Variants in GABRB1 observed in about 807,000 individuals in gnomAD.
GABRB1 encodes the protein gamma-aminobutyric acid receptor subunit beta-1.
GABRB1 carries 17 observed loss-of-function variants against 51.6 expected under a neutral mutation model. That is an observed-to-expected ratio of 0.33 (90% confidence interval 0.23 to 0.49). The LOEUF is 0.49. Ranked by LOEUF, GABRB1 falls within the 20% of genes least tolerant of loss-of-function variation. The pLI is 0.99. For synonymous variants in GABRB1, 247 were observed against 218.9 expected (o/e 1.13, Z -1.14); for missense variants, 410 against 600.6 (o/e 0.68, Z 3.32).
At chr4:47,139,235 CAA>C (rs897506485) in intron 3 of GABRB1, among the ~76,000 whole-genome samples, 11 of 151,906 alleles carry the variant, frequency 7.2e-5, no homozygotes, top group African/African-American at 2.7e-4. Flanking sequence ...AAACAGTTCC[CAA>C]GAGTAAATAA....
At chr4:47,287,098 A>T (rs921569447) in intron 4 of GABRB1, among the ~76,000 whole-genome samples, 12 of 152,102 alleles carry the variant, frequency 7.9e-5, no homozygotes, top group African/African-American at 2.9e-4. Context: ...GGTCCTCATA[A>T]TCACACTATC....
chr4:47,173,719 T>C (rs1478765501), intron 4 of GABRB1, among the ~76,000 whole-genome samples: 1 of 152,184 alleles, frequency 6.6e-6, no homozygotes, highest in African/African-American at 2.4e-5. Flanking sequence ...ATTTGAGTTT[T>C]CTACCTGTTC....
intron 3 of GABRB1, among the ~76,000 whole-genome samples, chr4:47,146,712 T>C (rs570963729): frequency 2.6e-5 from 4 of 152,130 alleles, no homozygotes; most frequent in Non-Finnish European, 4.4e-5. Flanking sequence ...CTACTCATTT[T>C]GCTAGACAGA....
chr4:47,245,221 C>T (rs998666990), intron 4 of GABRB1, among the ~76,000 whole-genome samples: 6 of 152,092 alleles, frequency 3.9e-5, no homozygotes, highest in African/African-American at 1.4e-4. Context: ...TAAACAGATT[C>T]ACTTAAGGTT....
intron 3 of GABRB1, among the ~76,000 whole-genome samples, chr4:47,123,885 AT>A (rs1373556135): frequency 5.0e-5 from 4 of 80,370 alleles, no homozygotes; most frequent in Non-Finnish European, 9.9e-5. Flanking sequence ...TATATATAAT[AT>A]ATATAATATA....
At chr4:47,407,760 A>G (rs1191551932) in intron 8 of GABRB1, among the ~76,000 whole-genome samples, 1 of 152,216 alleles carries the variant, frequency 6.6e-6, no homozygotes, top group Non-Finnish European at 1.5e-5. Flanking sequence ...GAAGATAAGC[A>G]ATAAACACAA....
At chr4:47,210,388 C>T (rs1397993987) in intron 4 of GABRB1, among the ~76,000 whole-genome samples, 1 of 152,064 alleles carries the variant, frequency 6.6e-6, no homozygotes, top group Non-Finnish European at 1.5e-5. Flanking sequence ...AAATTATCCA[C>T]ATTAAATTTA....
At chr4:47,009,178 G>A (rs1187064697) in intron 1 of GABRB1, among the ~76,000 whole-genome samples, 1 of 149,378 alleles carries the variant, frequency 6.7e-6, no homozygotes, top group Non-Finnish European at 1.5e-5. Context: ...ACTACATTTT[G>A]TTCACTCAAT....
chr4:47,083,493 A>G (rs1727937653), intron 3 of GABRB1, among the ~76,000 whole-genome samples: 1 of 152,074 alleles, frequency 6.6e-6, no homozygotes, highest in African/African-American at 2.4e-5. Flanking sequence ...TATTCTTCCA[A>G]TTTTTTCATT....
At chr4:47,057,563 G>A (rs1190906357) in intron 3 of GABRB1, among the ~76,000 whole-genome samples, 2 of 152,210 alleles carry the variant, frequency 1.3e-5, no homozygotes, top group Non-Finnish European at 2.9e-5. Flanking sequence ...AGCGTATCCT[G>A]TGCACATGCA....
At position 47,165,309 on chromosome 4, in the gene GABRB1, C is replaced by T. The variant is rs551026933; in HGVS notation, c.461+3840C>T. On this transcript the variant is annotated intron_variant, in intron 4 of 8. Coordinates refer to ENST00000295454, the MANE Select transcript of GABRB1 (RefSeq NM_000812.4). ...TACAGACTTTGCTCCCCCATTTTAT[C>T]TACCTCTCCAGCCCTTCCTCTCTGT... 2.4e-4 allele frequency among the ~76,000 whole-genome samples: 36 copies of T among 152,088 alleles called. No individual in the cohort carries two copies. The South Asian group carries it at 3.5e-3, about 15-fold the overall frequency.
At chr4:47,246,335 T>C (rs905685541) in intron 4 of GABRB1, among the ~76,000 whole-genome samples, 5 of 40,430 alleles carry the variant, frequency 1.2e-4, no homozygotes, top group East Asian at 5.5e-4. Flanking sequence ...CACACATATG[T>C]ACATATATAT....
At chr4:47,118,133 T>C (rs1715589993) in intron 3 of GABRB1, among the ~76,000 whole-genome samples, 1 of 152,134 alleles carries the variant, frequency 6.6e-6, no homozygotes, top group Non-Finnish European at 1.5e-5. Context: ...ATGGTTTGAG[T>C]CCAAAGAGAT....
At chr4:47,080,838 T>C (rs1727812202) in intron 3 of GABRB1, among the ~76,000 whole-genome samples, 1 of 152,194 alleles carries the variant, frequency 6.6e-6, no homozygotes, top group African/African-American at 2.4e-5. Flanking sequence ...TTATGGCCCA[T>C]CTCTAGTTGT....
At position 47,079,742 on chromosome 4, in the gene GABRB1, G is replaced by A. The variant is rs191971688; in HGVS notation, c.240+47258G>A. ...AAACCATCATTCTCAGCAAACTATC[G>A]CAAGGACAAAAAACCAAACACCACA... On this transcript the variant is annotated intron_variant, in intron 3 of 8. Transcript: ENST00000295454. Among the ~76,000 whole-genome samples the A allele has an allele frequency of 3.0e-3, 453 of 150,000 alleles. 2 individuals are homozygous for A. Among genetic ancestry groups the A allele is most frequent in the African/African-American group, 0.011 (438 of 40,876 alleles).
chr4:47,191,875 G>T (rs930471063), intron 4 of GABRB1, among the ~76,000 whole-genome samples: 1 of 152,018 alleles, frequency 6.6e-6, no homozygotes, highest in Non-Finnish European at 1.5e-5. Context: ...CTAAACTCTT[G>T]TAATTGGAAA....
intron 3 of GABRB1, among the ~76,000 whole-genome samples, chr4:47,137,575 T>C (rs1716726446): frequency 1.3e-5 from 2 of 152,226 alleles, no homozygotes; most frequent in South Asian, 4.1e-4. Context: ...TTCTCTTTAG[T>C]TCAAAATATT....
chr4:47,295,741 T>G (rs1723961652), intron 4 of GABRB1, among the ~76,000 whole-genome samples: 1 of 152,040 alleles, frequency 6.6e-6, no homozygotes, highest in African/African-American at 2.4e-5. Flanking sequence ...ACATTCAGAT[T>G]CAGGACATAC....
At chr4:47,332,417 T>C (rs532564929) in intron 5 of GABRB1, among the ~76,000 whole-genome samples, 1 of 152,302 alleles carries the variant, frequency 6.6e-6, no homozygotes, top group Non-Finnish European at 1.5e-5. Flanking sequence ...ACCTTGGAAA[T>C]GGACATATTC....
Sources: allele counts gnomAD v4.1 joint callset (sites outside exome capture counted in the v4.1 genomes callset), GRCh38; gene constraint gnomAD v4.1.1; transcripts MANE v1.5; gene names NCBI Gene and HGNC (gene_info 2026-07-23, HGNC 2026-07-21).